PPP1R14D: variants seen among roughly 807,000 people sequenced by gnomAD.
PPP1R14D encodes the protein protein phosphatase 1 regulatory subunit 14D.
A neutral mutation model predicts 17.1 loss-of-function variants in PPP1R14D; 14 were observed. That is an observed-to-expected ratio of 0.82 (90% CI 0.54 to 1.28). The LOEUF (loss-of-function observed/expected upper bound fraction) is 1.28, where lower values mean the gene tolerates loss of function less well. Among genes scored for constraint, PPP1R14D ranks in the 50% most tolerant of loss-of-function variants. The pLI, the probability that PPP1R14D is intolerant of heterozygous loss-of-function variation, is 0.00. For missense variants in PPP1R14D, 173 were observed against 179.2 expected (o/e 0.97, Z 0.20); for synonymous variants, 67 against 66.1 (o/e 1.01, Z -0.06).
chr15:40,819,515 C>A (rs1036062115), intron 1 of PPP1R14D, among the ~76,000 whole-genome samples: 2 of 148,578 alleles, frequency 1.3e-5, no homozygotes, highest in Non-Finnish European at 3.0e-5. Flanking sequence ...CCAGCCTGGG[C>A]GACAAAGCAA....
At chr15:40,816,505 G>C (rs949060704) in intron 1 of PPP1R14D, among the ~76,000 whole-genome samples, 1 of 152,268 alleles carries the variant, frequency 6.6e-6, no homozygotes, top group African/African-American at 2.4e-5. Flanking sequence ...CTGAGGTCAG[G>C]AGTTTAAGAC....
intron 3 of PPP1R14D, 80 bp from the exon 4 acceptor site, chr15:40,815,841 C>A (rs1344456895): frequency 2.0e-6 from 3 of 1,516,416 alleles, no homozygotes; most frequent in Non-Finnish European, 2.7e-6. Flanking sequence ...TTCCCCTGCC[C>A]CTGACTCCCC....
At chr15:40,826,035 A>C (rs1242142439) in intron 1 of PPP1R14D, among the ~76,000 whole-genome samples, 1 of 152,210 alleles carries the variant, frequency 6.6e-6, no homozygotes, top group Non-Finnish European at 1.5e-5. Flanking sequence ...TCTGAAATTG[A>C]AACTGATCCA....
intron 1 of PPP1R14D, among the ~76,000 whole-genome samples, chr15:40,826,897 G>T (rs1052731722): frequency 6.6e-6 from 1 of 152,236 alleles, no homozygotes. Flanking sequence ...CTAGCACGTA[G>T]TTGTGTTCAG....
intron 1 of PPP1R14D, 81 bp from the exon 2 acceptor site, chr15:40,816,334 CCT>C: frequency 2.6e-6 from 3 of 1,132,870 alleles, no homozygotes; most frequent in Non-Finnish European, 4.0e-6. Flanking sequence ...ACTCAACCCA[CCT>C]CTCTCCAATT....
intron 1 of PPP1R14D, among the ~76,000 whole-genome samples, chr15:40,824,096 C>G (rs1004142912): frequency 2.6e-5 from 4 of 151,606 alleles, no homozygotes; most frequent in Non-Finnish European, 5.9e-5. Context: ...TTTTTGAACT[C>G]TCAGAACATA....
At position 40,816,254 on chromosome 15, in the gene PPP1R14D, C is replaced by T. The variant is rs1890661447; in HGVS notation, c.256-1G>A. On this transcript the variant is annotated splice_acceptor_variant, in intron 1 of 3. Coordinates refer to ENST00000299174, the MANE Select transcript of PPP1R14D (RefSeq NM_017726.8). LOFTEE classifies it high-confidence loss of function. ...CAGGCTCAGAAGGGGTTGCTTGATC[C>T]TATTTGGAAATCACATGGGTCTCAG... 1 of 1,613,800 alleles carries T rather than the reference C, an allele frequency of 6.2e-7. No homozygotes were observed. The highest frequency in any genetic ancestry group is 8.5e-7 in the Non-Finnish European group (1 of 1,179,722).
chr15:40,823,996 T>TAA (rs397943870), intron 1 of PPP1R14D, among the ~76,000 whole-genome samples: 27 of 126,446 alleles, frequency 2.1e-4, no homozygotes, highest in African/African-American at 5.9e-4. Context: ...CCATCTCCAT[T>TAA]AAAAAAAAAA....
intron 1 of PPP1R14D, among the ~76,000 whole-genome samples, chr15:40,821,612 G>T (rs533486642): frequency 6.6e-6 from 1 of 152,132 alleles, no homozygotes; most frequent in Non-Finnish European, 1.5e-5. Context: ...ATCTCAGAGG[G>T]TGTGAGTGGG....
intron 1 of PPP1R14D, among the ~76,000 whole-genome samples, chr15:40,825,908 T>G (rs948039184): frequency 6.6e-6 from 1 of 152,214 alleles, no homozygotes; most frequent in African/African-American, 2.4e-5. Context: ...CTTATTACTG[T>G]ACAGCCTCCA....
intron 1 of PPP1R14D, among the ~76,000 whole-genome samples, chr15:40,821,689 AGGCTGAGGCAGGC>A (rs201903576): frequency 0.021 from 3,164 of 152,314 alleles, 111 homozygotes; most frequent in African/African-American, 0.073. Flanking sequence ...GCACTCTGGG[AGGCTGAGGCAGGC>A]GGATCACCTG....
rs747855722 is a variant in PPP1R14D, at chr15:40,828,610, G to A, written c.32C>T (p.Ser11Phe). ...TGGGTTCTCCCCATCTGGGCTGGGA[G>A]ATGTGCAGGAAGCAGGGCTTGAAGA... MLSSSPASCT[S>F]PSPDGENPCK... Residue 11 changes from serine (S) to phenylalanine (F), a missense_variant, in exon 1 of 4, where the codon TCT (serine) becomes TTT (phenylalanine). By Grantham distance (155) the Ser-to-Phe change is radical. Transcript: ENST00000299174. The A allele has an allele frequency of 5.4e-5, 87 of 1,613,600 alleles. No homozygotes were observed. The highest frequency in any genetic ancestry group is 7.0e-5 in the Non-Finnish European group (82 of 1,179,764).
chr15:40,815,737 G>T lies in PPP1R14D; in HGVS notation c.397C>A (p.Gln133Lys). The change falls in exon 4 of 4, where the codon CAA becomes AAA. Residue 133 changes from glutamine to lysine, a missense_variant. By Grantham distance (53) the Gln-to-Lys change is moderately conservative (BLOSUM62 1). Coordinates refer to ENST00000299174, the MANE Select transcript of PPP1R14D (RefSeq NM_017726.8). ...TEAFISELLS[Q>K]LKKLRRLSRP... ...CTGAGTCTCCGGAGTTTCTTGAGTT[G>T]ACTGAGCAGCTCAGAGATAAAAGCC... The T allele has an allele frequency of 6.2e-7, 1 of 1,613,410 alleles. No individual in the cohort carries two copies. Among genetic ancestry groups the T allele is most frequent in the South Asian group, 1.1e-5 (1 of 91,010 alleles).
At position 40,827,947 on chromosome 15, in the gene PPP1R14D, A is replaced by AAAAG. The variant is rs138484384; in HGVS notation, c.255+436_255+439dup. 4.7e-4 allele frequency among the ~76,000 whole-genome samples: 71 copies of AAAAG among 151,786 alleles called. 1 individual carries two copies. The highest frequency in any genetic ancestry group is 1.3e-3 in the African/African-American group (53 of 41,358). On this transcript the variant is annotated intron_variant, in intron 1 of 3. Transcript: ENST00000299174. ...AAAAACAAACAAACAAACAAAAAAC[A>AAAAG]AAAGAAAGAAAGAAAGAAAGAAACA...
At chr15:40,821,066 C>T (rs191979200) in intron 1 of PPP1R14D, among the ~76,000 whole-genome samples, 29 of 151,020 alleles carry the variant, frequency 1.9e-4, no homozygotes, top group Non-Finnish European at 7.4e-5. Context: ...GGCCGGGTGC[C>T]GTGGCTCACG....
intron 1 of PPP1R14D, among the ~76,000 whole-genome samples, chr15:40,824,827 C>T (rs1488965646): frequency 6.6e-6 from 1 of 152,114 alleles, no homozygotes; most frequent in Non-Finnish European, 1.5e-5. Flanking sequence ...ATTAGATTTA[C>T]CCCCAAGGCA....
chr15:40,828,312 G>A, intron 1 of PPP1R14D, 75 bp downstream of exon 1: 4 of 1,498,254 alleles, frequency 2.7e-6, no homozygotes, highest in Non-Finnish European at 2.7e-6. Flanking sequence ...CAGCCCTCCA[G>A]CTCCTGTGAA....
intron 1 of PPP1R14D, among the ~76,000 whole-genome samples, chr15:40,820,584 G>A (rs1890758665): frequency 1.3e-5 from 2 of 152,192 alleles, no homozygotes; most frequent in South Asian, 4.1e-4. Flanking sequence ...CAGGTACAGT[G>A]GCTCACGCCT....
intron 1 of PPP1R14D, among the ~76,000 whole-genome samples, chr15:40,826,378 C>CA (rs1890869270): frequency 6.6e-6 from 1 of 152,190 alleles, no homozygotes; most frequent in African/African-American, 2.4e-5. Flanking sequence ...GAAACAAGGA[C>CA]AACATATTTT....
Sources: allele counts gnomAD v4.1 joint callset (sites outside exome capture counted in the v4.1 genomes callset), GRCh38; gene constraint gnomAD v4.1.1; transcripts MANE v1.5; gene names NCBI Gene and HGNC (gene_info 2026-07-23, HGNC 2026-07-21).